The following PRKAR1B variants were observed in gnomAD, a reference collection of about 807,000 sequenced individuals.
The protein encoded by PRKAR1B is protein kinase cAMP-dependent type I regulatory subunit beta.
A neutral mutation model predicts 46.5 loss-of-function variants in PRKAR1B; 22 were observed. The observed-to-expected ratio is 0.47, with a 90% CI of 0.34 to 0.68. The LOEUF is 0.68. PRKAR1B is among the 30% of genes least tolerant of loss of function. The pLI, the probability that PRKAR1B is intolerant of heterozygous loss-of-function variation, is 0.01. For missense variants in PRKAR1B, 445 were observed against 535.6 expected (o/e 0.83, Z 1.67); for synonymous variants, 259 against 217.7 (o/e 1.19, Z -1.67).
chr7:713,572 T>A (rs1307695511), intron 1 of PRKAR1B, among the ~76,000 whole-genome samples: 1 of 151,730 alleles, frequency 6.6e-6, no homozygotes, highest in Non-Finnish European at 1.5e-5. Flanking sequence ...CACACTCACG[T>A]ATACACACTC....
At chr7:576,673 G>A (rs752831873) in intron 9 of PRKAR1B, among the ~76,000 whole-genome samples, 39 of 151,478 alleles carry the variant, frequency 2.6e-4, no homozygotes, top group African/African-American at 2.7e-4. Flanking sequence ...GAAATCTCCC[G>A]GCATCTCGGA....
intron 7 of PRKAR1B, among the ~76,000 whole-genome samples, chr7:594,306 G>C (rs570319116): frequency 2.0e-5 from 3 of 152,136 alleles, no homozygotes; most frequent in Non-Finnish European, 4.4e-5. Context: ...GCAGGGGATG[G>C]AGGAGAGGCC....
At chr7:634,409 T>C (rs949530559) in intron 4 of PRKAR1B, among the ~76,000 whole-genome samples, 1 of 151,610 alleles carries the variant, frequency 6.6e-6, no homozygotes, top group Non-Finnish European at 1.5e-5. Context: ...GCCCAGCAGG[T>C]TGGGGATGCA....
At chr7:686,022 C>G (rs1779077023) in intron 2 of PRKAR1B, among the ~76,000 whole-genome samples, 1 of 152,066 alleles carries the variant, frequency 6.6e-6, no homozygotes, top group African/African-American at 2.4e-5. Context: ...GAGAATCGGC[C>G]AGGTGTGGTG....
chr7:685,402 G>A (rs201472674), intron 2 of PRKAR1B, among the ~76,000 whole-genome samples: 832 of 35,902 alleles, frequency 0.023, 41 homozygotes, highest in Middle Eastern at 0.065. Flanking sequence ...ATATATATAT[G>A]TATATATATA....
At chr7:564,770 G>A (rs1779031406) in intron 9 of PRKAR1B, among the ~76,000 whole-genome samples, 1 of 152,322 alleles carries the variant, frequency 6.6e-6, no homozygotes, top group Admixed American at 6.5e-5. Context: ...CAGGGCCCAG[G>A]GCACTGGCCC....
rs540526096 is a variant in PRKAR1B, at chr7:602,957, G to A, written c.549+3236C>T. Among the ~76,000 whole-genome samples, 38 of 152,252 alleles carry A rather than the reference G, an allele frequency of 2.5e-4. No homozygotes were observed. Among genetic ancestry groups the A allele is most frequent in the African/African-American group, 8.7e-4 (36 of 41,558 alleles). On this transcript the variant is annotated intron_variant, in intron 6 of 10. Transcript: ENST00000537384. The surrounding 1 kb of genome is among the most constrained non-coding windows in gnomAD (Gnocchi z 6.4). ...TCCTGACCCGTCCACCACCCTCCTCGAGACACGACAAGTTAGGCGGGAACA... is the reference window on the plus strand; with the variant it reads ...TCCTGACCCGTCCACCACCCTCCTCAAGACACGACAAGTTAGGCGGGAACA...
At chr7:614,678 G>A (rs904895929) in intron 4 of PRKAR1B, among the ~76,000 whole-genome samples, 2 of 152,028 alleles carry the variant, frequency 1.3e-5, no homozygotes, top group East Asian at 1.9e-4. Context: ...TTGGGAGGCC[G>A]AAGCAGGCAG....
chr7:637,201 C>T (rs1784158993), intron 4 of PRKAR1B, among the ~76,000 whole-genome samples: 1 of 152,114 alleles, frequency 6.6e-6, no homozygotes, highest in African/African-American at 2.4e-5. Flanking sequence ...GTGGGAGGAT[C>T]GCTTGAGCTT....
In PRKAR1B at chr7:633,007, G is replaced by A. The variant is rs140969283; in HGVS notation, c.441-25555C>T. On this transcript the variant is annotated intron_variant, in intron 4 of 10. Coordinates refer to ENST00000537384, the MANE Select transcript of PRKAR1B (RefSeq NM_001164760.2). ...TCACGGGCAGAGGGAAGCCAGGCGCGCGGGTCGTAGTGAGATCAGCTAGAT... is the reference window on the plus strand; with the variant it reads ...TCACGGGCAGAGGGAAGCCAGGCGCACGGGTCGTAGTGAGATCAGCTAGAT... 9.3e-3 allele frequency among the ~76,000 whole-genome samples: 1,418 copies of A among 152,374 alleles called. 8 individuals carry two copies. The highest frequency in any genetic ancestry group is 0.024 in the South Asian group (114 of 4,828).
intron 6 of PRKAR1B, among the ~76,000 whole-genome samples, chr7:599,109 A>G (rs1781445981): frequency 1.3e-5 from 2 of 152,152 alleles, no homozygotes; most frequent in Non-Finnish European, 2.9e-5. Context: ...CTCCCTCCGC[A>G]GCCTCAGAGG....
chr7:600,163 G>A (rs1781509486), intron 6 of PRKAR1B, among the ~76,000 whole-genome samples: 1 of 152,222 alleles, frequency 6.6e-6, no homozygotes, highest in Non-Finnish European at 1.5e-5. Context: ...TAATGCCACC[G>A]AACTGCACAA....
chr7:649,178 A>C (rs1486395890), intron 4 of PRKAR1B, among the ~76,000 whole-genome samples: 1 of 152,206 alleles, frequency 6.6e-6, no homozygotes, highest in Non-Finnish European at 1.5e-5. Context: ...TAAATAAATA[A>C]ATAAAAATTT....
At chr7:725,124 G>C (rs372622654) in intron 1 of PRKAR1B, among the ~76,000 whole-genome samples, 2 of 151,296 alleles carry the variant, frequency 1.3e-5, no homozygotes, top group African/African-American at 4.9e-5. Flanking sequence ...TGAGGCAGGA[G>C]AATGGCATGA....
At chr7:589,190 G>A (rs192744284) in intron 7 of PRKAR1B, among the ~76,000 whole-genome samples, 16 of 151,520 alleles carry the variant, frequency 1.1e-4, no homozygotes, top group East Asian at 3.9e-4. Flanking sequence ...TCTGGTCTTC[G>A]GTTTCTCCAT....
Position 549,936 on chromosome 7 carries a change from C to A in PRKAR1B, c.*494G>T. On this transcript the variant is annotated 3_prime_UTR_variant, in exon 11 of 11. Transcript: ENST00000537384. The stretch of plus-strand genomic sequence containing the variant: ...AGGGGTACACATTTGCGGGAGGGGC[C>A]TTGACTTCTTCGGCCTCAACTCCCT... The A allele has an allele frequency of 6.6e-6, 1 of 151,828 alleles. No homozygotes were observed. The highest frequency in any genetic ancestry group is 1.4e-5 in the Non-Finnish European group (1 of 70,844). The allele number at this position is 151,828 out of a possible 1,614,324, so 9.4% of individuals were successfully genotyped here. A position where few individuals can be genotyped will look rare whatever the true frequency, so the allele number is the denominator to read the frequency against.
At chr7:570,446 C>T (rs1779434123) in intron 9 of PRKAR1B, among the ~76,000 whole-genome samples, 1 of 152,038 alleles carries the variant, frequency 6.6e-6, no homozygotes, top group Non-Finnish European at 1.5e-5. Flanking sequence ...CACCCTCCCG[C>T]GCTCCTGTGT....
chr7:608,641 CTGT>C lies in PRKAR1B; in HGVS notation c.441-1192_441-1190del, dbSNP rs1562559598. 1.4e-3 allele frequency among the ~76,000 whole-genome samples: 76 copies of C among 52,748 alleles called. 1 individual carries two copies. The highest frequency in any genetic ancestry group is 3.3e-3 in the African/African-American group (60 of 18,170). The allele number at this position is 52,748 out of a possible 152,430, so 34.6% of individuals were successfully genotyped here. ...TGTAGGGAGGGCTGGGGGGCCTCCA[CTGT>C]CCTCCCACCTGGGGAGGGATCAGTG... On this transcript the variant is annotated intron_variant, in intron 4 of 10. Transcript: ENST00000537384.
chr7:640,964 T>C (rs889971750), intron 4 of PRKAR1B, among the ~76,000 whole-genome samples: 6 of 150,940 alleles, frequency 4.0e-5, no homozygotes, highest in Admixed American at 6.6e-5. Context: ...AGACAATTCT[T>C]TTTTTTTTGT....
Sources: gnomAD v4.1 joint callset for allele counts (sites outside exome capture counted in the v4.1 genomes callset) on GRCh38, gnomAD v4.1.1 for gene constraint, Gnocchi (gnomAD v3.1) non-coding constraint, MANE v1.5 for transcripts, NCBI Gene and HGNC (gene_info 2026-07-23, HGNC 2026-07-21) for gene names.